The following TARS3 variants were observed in gnomAD, a reference collection of about 807,000 sequenced individuals.
TARS3 encodes threonine--tRNA ligase 2, cytoplasmic.
A neutral mutation model predicts 103.5 loss-of-function variants in TARS3; 94 were observed. The ratio of observed to expected loss-of-function variants is 0.91; its 90% CI spans 0.77 to 1.08. The LOEUF is 1.08. Among genes scored for constraint, TARS3 ranks in the 50% least tolerant of loss-of-function variants. The probability of loss-of-function intolerance (pLI) is 0.00; values close to 1 mark genes in which losing one functional copy is unlikely to be tolerated. For synonymous variants in TARS3, 416 were observed against 355.4 expected, an observed-to-expected ratio of 1.17 and a Z score of -1.92; for missense variants, 952 against 995.2, an observed-to-expected ratio of 0.96 and a Z score of 0.58.
At chr15:101,674,804 CAA>C (rs56149602) in intron 13 of TARS3, among the ~76,000 whole-genome samples, 2 of 119,932 alleles carry the variant, frequency 1.7e-5, no homozygotes, top group African/African-American at 3.1e-5. Context: ...GACTCCGTCT[CAA>C]AAAAAAAAAG....
chr15:101,723,487 C>T (rs548671197), intron 1 of TARS3, among the ~76,000 whole-genome samples: 1 of 152,198 alleles, frequency 6.6e-6, no homozygotes, highest in Non-Finnish European at 1.5e-5. Context: ...TGCTAGTTCA[C>T]CGCAGCTGTC....
In TARS3 at chr15:101,661,826, G is replaced by T; in HGVS notation, c.1968-10C>A. ...ATCATCCCCATCCTTACTAAAAAAT[G>T]AAAATTATACATTTAAGTCTTTTCC... On this transcript the variant is annotated splice_polypyrimidine_tract_variant and intron_variant, in intron 15 of 18. Coordinates refer to ENST00000335968, the MANE Select transcript of TARS3 (RefSeq NM_152334.3). 6.6e-7 allele frequency: 1 copy of T among 1,513,684 alleles called. No individual in the cohort carries two copies. 93.8% of individuals were successfully genotyped at this position (1,513,684 alleles called of 1,614,324 possible).
intron 13 of TARS3, 87 bp from the exon 14 acceptor site, chr15:101,671,835 T>A: frequency 1.9e-6 from 2 of 1,053,246 alleles, no homozygotes; most frequent in Non-Finnish European, 2.8e-6. Context: ...TAACTCTTCA[T>A]TACAGTCTAT....
chr15:101,677,826 T>C (rs1898095114), intron 12 of TARS3, among the ~76,000 whole-genome samples: 1 of 151,152 alleles, frequency 6.6e-6, no homozygotes, highest in Non-Finnish European at 1.5e-5. Context: ...GAGACAGGGT[T>C]TCTCCATGTT....
chr15:101,710,701 T>C (rs965903209), intron 5 of TARS3, among the ~76,000 whole-genome samples: 8 of 152,308 alleles, frequency 5.3e-5, no homozygotes, highest in African/African-American at 9.6e-5. Flanking sequence ...CTACACAGCA[T>C]TGGGTGCTCG....
rs113076423 is a variant in TARS3 at position 101,709,126 on chromosome 15, C to T, written c.813-216G>A. Among the ~76,000 whole-genome samples the T allele has an allele frequency of 2.1e-3, 314 of 152,336 alleles. 1 individual carries two copies. The highest frequency in any genetic ancestry group is 7.4e-3 in the African/African-American group (308 of 41,576). On this transcript the variant is annotated intron_variant, in intron 5 of 18. Transcript: ENST00000335968. ...CAAGACCTGCCTCATTTCTCCTCTG[C>T]TGCAAGGGGAGAAGGAAGCCCTGCT... is the stretch of plus-strand genomic sequence containing the variant.
chr15:101,673,755 G>C (rs949217652), intron 13 of TARS3, among the ~76,000 whole-genome samples: 1 of 152,170 alleles, frequency 6.6e-6, no homozygotes, highest in African/African-American at 2.4e-5. Context: ...TGTGGAAGAA[G>C]AGCTTAGGAT....
intron 12 of TARS3, among the ~76,000 whole-genome samples, chr15:101,679,104 C>T (rs1453062816): frequency 6.6e-6 from 1 of 152,172 alleles, no homozygotes; most frequent in Non-Finnish European, 1.5e-5. Flanking sequence ...TTTCAGTTTA[C>T]TATGATATAT....
At chr15:101,678,049 C>T (rs1410474850) in intron 12 of TARS3, among the ~76,000 whole-genome samples, 4 of 148,424 alleles carry the variant, frequency 2.7e-5, no homozygotes, top group Admixed American at 6.7e-5. Context: ...GGCATGATCT[C>T]GGCTCACTGC....
chr15:101,670,001 C>A (rs1897734997), intron 15 of TARS3, among the ~76,000 whole-genome samples: 1 of 152,150 alleles, frequency 6.6e-6, no homozygotes, highest in South Asian at 2.1e-4. Context: ...TGAATCTTGA[C>A]CCAAATGTCA....
At chr15:101,716,071 C>T (rs1384540547) in intron 3 of TARS3, among the ~76,000 whole-genome samples, 2 of 151,234 alleles carry the variant, frequency 1.3e-5, no homozygotes, top group African/African-American at 4.9e-5. Context: ...GGCTGGAGTG[C>T]AGTGGTGCAA....
intron 10 of TARS3, among the ~76,000 whole-genome samples, chr15:101,690,051 G>T (rs1898644549): frequency 6.6e-6 from 1 of 152,236 alleles, no homozygotes; most frequent in Non-Finnish European, 1.5e-5. Context: ...AAACTGAAAT[G>T]ACATCACCAC....
chr15:101,675,524 TC>T (rs148533192), intron 13 of TARS3, 75 bp downstream of exon 13: 37,437 of 1,404,110 alleles, frequency 0.027, 551 homozygotes, highest in Non-Finnish European at 0.032. Flanking sequence ...TATTGCATCC[TC>T]CTGTGAAGAC....
At chr15:101,716,258 T>C (rs1900154057) in intron 3 of TARS3, among the ~76,000 whole-genome samples, 1 of 152,132 alleles carries the variant, frequency 6.6e-6, no homozygotes, top group African/African-American at 2.4e-5. Flanking sequence ...TTGATCTCTT[T>C]CTTTCTGTTT....
At chr15:101,716,445 A>C (rs1900164116) in intron 3 of TARS3, among the ~76,000 whole-genome samples, 1 of 152,172 alleles carries the variant, frequency 6.6e-6, no homozygotes, top group Non-Finnish European at 1.5e-5. Flanking sequence ...ATAGGAATAA[A>C]AAATATTTAA....
At chr15:101,704,165 T>G (rs1008640458) in intron 7 of TARS3, among the ~76,000 whole-genome samples, 1 of 152,200 alleles carries the variant, frequency 6.6e-6, no homozygotes, top group Admixed American at 6.5e-5. Flanking sequence ...TAGGCAATTC[T>G]CTGATTAAAA....
At chr15:101,723,720 G>A (rs551459972) in intron 1 of TARS3, among the ~76,000 whole-genome samples, 1 of 152,222 alleles carries the variant, frequency 6.6e-6, no homozygotes, top group East Asian at 1.9e-4. Context: ...AGAACCAGAG[G>A]GAATGAGAGT....
intron 4 of TARS3, 136 bp from the exon 5 acceptor site, chr15:101,712,137 G>C (rs556642273): frequency 1.1e-6 from 1 of 897,174 alleles, no homozygotes; most frequent in African/African-American, 1.7e-5. Flanking sequence ...AACTTGAAAG[G>C]AAAATCTTCG....
Position 101,703,847 on chromosome 15 carries a change from AT to A in TARS3, c.1074+11del. Reference sequence around the variant, plus strand: ...CTTAAGTTTACTGTATTAAAAAAAAATCAATCCTTACCTTAAAAATTTTGAT... The same window carrying A: ...CTTAAGTTTACTGTATTAAAAAAAAACAATCCTTACCTTAAAAATTTTGAT... On this transcript the variant is annotated intron_variant, in intron 8 of 18. Coordinates refer to ENST00000335968, the MANE Select transcript of TARS3 (RefSeq NM_152334.3). 1 of 1,593,190 alleles carries A rather than the reference AT, an allele frequency of 6.3e-7. No homozygotes were observed. Among genetic ancestry groups the A allele is most frequent in the Non-Finnish European group, 8.6e-7 (1 of 1,162,262 alleles).
Sources: allele counts gnomAD v4.1 joint callset (sites outside exome capture counted in the v4.1 genomes callset), GRCh38; gene constraint gnomAD v4.1.1; transcripts MANE v1.5; gene names NCBI Gene and HGNC (gene_info 2026-07-23, HGNC 2026-07-21).